The following PHF20 variants were observed in gnomAD, a reference collection of about 807,000 sequenced individuals.
PHF20 encodes PHD finger protein 20.
In PHF20, 23 loss-of-function variants were observed where a neutral mutation model predicts 113.5. That is an observed-to-expected ratio of 0.20 (90% confidence interval 0.15 to 0.29). PHF20 has a LOEUF of 0.29. Ranked by LOEUF, PHF20 falls within the 10% of genes least tolerant of loss-of-function variation. PHF20 has a pLI of 1.00. For missense variants in PHF20, 943 were observed against 1,219.6 expected, an observed-to-expected ratio of 0.77 and a Z score of 3.38; for synonymous variants, 434 against 457.3, an observed-to-expected ratio of 0.95 and a Z score of 0.65.
chr20:35,892,047 T>TTTTTTTTG, intron 9 of PHF20, among the ~76,000 whole-genome samples: 1 of 148,610 alleles, frequency 6.7e-6, no homozygotes, highest in East Asian at 2.0e-4. Context: ...TTTTTTTTGT[T>TTTTTTTTG]TTTTTTTGTT....
At position 35,876,527 on chromosome 20, in the gene PHF20, C is replaced by T. The variant is rs145649441; in HGVS notation, c.1282+4698C>T. Reference sequence around the variant, plus strand: ...TGGAGGTTGCAGTGAGCCGAGATTGCGCCCCTGCACCCAGCTTAGGTGACA... The same window carrying T: ...TGGAGGTTGCAGTGAGCCGAGATTGTGCCCCTGCACCCAGCTTAGGTGACA... On this transcript the variant is annotated intron_variant, in intron 9 of 17. Coordinates refer to ENST00000374012, the MANE Select transcript of PHF20 (RefSeq NM_016436.5). Among the ~76,000 whole-genome samples the T allele has an allele frequency of 6.1e-3, 923 of 151,824 alleles. 10 individuals carry two copies. Among genetic ancestry groups the T allele is most frequent in the African/African-American group, 0.018 (758 of 41,380 alleles).
chr20:35,808,650 G>A (rs2041924813), intron 2 of PHF20, among the ~76,000 whole-genome samples: 1 of 151,954 alleles, frequency 6.6e-6, no homozygotes, highest in Admixed American at 6.6e-5. Context: ...TTGGCTCACT[G>A]CAAGCTCTGA....
chr20:35,890,060 C>T (rs2054820443), intron 9 of PHF20, among the ~76,000 whole-genome samples: 1 of 150,716 alleles, frequency 6.6e-6, no homozygotes, highest in Non-Finnish European at 1.5e-5. Flanking sequence ...AGTTCTGTCT[C>T]ACTGTTGCCC....
At position 35,871,726 on chromosome 20, in the gene PHF20, G is replaced by T. The variant is rs778905424; in HGVS notation, c.1179G>T (p.Gly393=). The T allele has an allele frequency of 6.2e-7, 1 of 1,613,956 alleles. No individual in the cohort carries two copies. The highest frequency in any genetic ancestry group is 1.7e-5 in the Admixed American group (1 of 60,012). ...GCCACTCCTTTGGGGATGGATCCGG[G>T]GCTGCAGGCTTGGAGTTGAACTGCC... is the stretch of plus-strand genomic sequence containing the variant. ...LTCHSFGDGS[G]AAGLELNCPS... The change falls in exon 9 of 18, where the codon GGG becomes GGT. Residue 393 remains glycine (G), a synonymous_variant. Transcript: ENST00000374012.
intron 2 of PHF20, among the ~76,000 whole-genome samples, chr20:35,821,884 A>G (rs962607724): frequency 6.6e-6 from 1 of 152,194 alleles, no homozygotes; most frequent in African/African-American, 2.4e-5. Context: ...AGAAGAGTCA[A>G]GGATGACTCC....
At chr20:35,819,392 G>A (rs1022962140) in intron 2 of PHF20, among the ~76,000 whole-genome samples, 1 of 152,258 alleles carries the variant, frequency 6.6e-6, no homozygotes, top group East Asian at 1.9e-4. Context: ...GTTCCAAGAA[G>A]TAGGCTGGCC....
chr20:35,803,921 C>A (rs1196141716), intron 2 of PHF20, among the ~76,000 whole-genome samples: 1 of 151,940 alleles, frequency 6.6e-6, no homozygotes, highest in African/African-American at 2.4e-5. Context: ...ATGGCACAAT[C>A]ATAGTTCACT....
chr20:35,853,038 C>T (rs2042765873), intron 4 of PHF20, among the ~76,000 whole-genome samples: 1 of 149,208 alleles, frequency 6.7e-6, no homozygotes, highest in East Asian at 2.0e-4. Flanking sequence ...GCCTGTCCAA[C>T]ATGGTGAAAC....
intron 9 of PHF20, chr20:35,878,416 A>C (rs1332704318): frequency 2.2e-6 from 1 of 454,668 alleles, no homozygotes; most frequent in African/African-American, 2.0e-5. Context: ...GGCGTGTGCG[A>C]GATTTTCTTG....
chr20:35,910,726 T>A (rs958777189), intron 10 of PHF20, among the ~76,000 whole-genome samples: 1 of 151,908 alleles, frequency 6.6e-6, no homozygotes, highest in African/African-American at 2.4e-5. Flanking sequence ...CCTCCTGGGC[T>A]CAAGCGATTC....
At chr20:35,929,611 T>C (rs2055711420) in intron 14 of PHF20, among the ~76,000 whole-genome samples, 1 of 152,290 alleles carries the variant, frequency 6.6e-6, no homozygotes. Context: ...TGAAGGCTCC[T>C]TAGCATACCT....
At chr20:35,835,148 G>A (rs1398545139) in intron 2 of PHF20, among the ~76,000 whole-genome samples, 2 of 152,026 alleles carry the variant, frequency 1.3e-5, no homozygotes, top group Non-Finnish European at 2.9e-5. Context: ...GGTGGCGGGC[G>A]CCTGTAGTCC....
chr20:35,850,546 TG>T (rs2042707342), intron 4 of PHF20: 1 of 139,656 alleles, frequency 7.2e-6, no homozygotes, highest in African/African-American at 3.3e-5. Flanking sequence ...CATATCTTAA[TG>T]GGTACACAGT....
intron 2 of PHF20, among the ~76,000 whole-genome samples, chr20:35,809,659 GGATT>G (rs1569130507): frequency 6.6e-6 from 1 of 151,574 alleles, no homozygotes; most frequent in Non-Finnish European, 1.5e-5. Flanking sequence ...TGAGGTGGGA[GGATT>G]GATTGAGTCA....
intron 2 of PHF20, among the ~76,000 whole-genome samples, chr20:35,821,686 T>C (rs896221061): frequency 6.6e-6 from 1 of 151,972 alleles, no homozygotes; most frequent in African/African-American, 2.4e-5. Flanking sequence ...GTGGTTATTG[T>C]GTGTAGAATA....
At chr20:35,829,869 T>C (rs1198346996) in intron 2 of PHF20, among the ~76,000 whole-genome samples, 1 of 145,858 alleles carries the variant, frequency 6.9e-6, no homozygotes, top group African/African-American at 2.8e-5. Flanking sequence ...TCTCAAAGTA[T>C]TGGGATTATA....
chr20:35,903,057 C>CCTTTT (rs2055130603), intron 10 of PHF20, among the ~76,000 whole-genome samples: 1 of 107,756 alleles, frequency 9.3e-6, no homozygotes. Flanking sequence ...CGTTTCCTTT[C>CCTTTT]CTTTCCTTTC....
intron 2 of PHF20, among the ~76,000 whole-genome samples, chr20:35,811,352 A>G (rs1213139239): frequency 6.6e-6 from 1 of 151,826 alleles, no homozygotes; most frequent in Non-Finnish European, 1.5e-5. Context: ...GCTAGGGCCC[A>G]CTTTTTAATT....
chr20:35,814,883 A>T (rs1322907036), intron 2 of PHF20, among the ~76,000 whole-genome samples: 17 of 139,912 alleles, frequency 1.2e-4, no homozygotes, highest in East Asian at 7.9e-4. Context: ...AAAAAAAAAA[A>T]AAAAAAATAA....
Sources: gnomAD v4.1 joint callset for allele counts (sites outside exome capture counted in the v4.1 genomes callset) on GRCh38, gnomAD v4.1.1 for gene constraint, MANE v1.5 for transcripts, NCBI Gene and HGNC (gene_info 2026-07-23, HGNC 2026-07-21) for gene names.